The following H2BC18 variants were observed in gnomAD, a reference collection of about 807,000 sequenced individuals.
H2BC18 encodes the protein histone H2B type 2-F.
H2BC18 carries 8 observed loss-of-function variants against 6.3 expected under a neutral mutation model. That is an observed-to-expected ratio of 1.28 (90% CI 0.75 to 2.31). H2BC18 has a LOEUF of 2.31. H2BC18 is among the 30% of genes most tolerant of loss of function. The pLI, the probability that H2BC18 is intolerant of heterozygous loss-of-function variation, is 0.00. For missense variants in H2BC18, 106 were observed against 174.5 expected (o/e 0.61, Z 2.21); for synonymous variants, 104 against 78.1 (o/e 1.33, Z -1.75).
downstream of H2BC18, among the ~76,000 whole-genome samples, chr1:149,807,214 T>A (rs12240163): frequency 6.6e-6 from 1 of 152,102 alleles, no homozygotes; most frequent in Non-Finnish European, 1.5e-5. Flanking sequence ...ACCAGCCTAA[T>A]AGTCACACCA....
chr1:149,785,261 A>T (rs1553750680), intron 1 of H2BC18, among the ~76,000 whole-genome samples: 3 of 152,164 alleles, frequency 2.0e-5, no homozygotes. Context: ...CTTTATGCAG[A>T]CATGGTTGCT....
chr1:149,784,471 T>G (rs1199507353), intron 1 of H2BC18, among the ~76,000 whole-genome samples: 1 of 152,084 alleles, frequency 6.6e-6, no homozygotes, highest in Non-Finnish European at 1.5e-5. Context: ...CAGCTCTAAG[T>G]AGGATGTCTA....
At chr1:149,800,369 G>A (rs1181353248) in intron 1 of H2BC18, among the ~76,000 whole-genome samples, 2 of 151,430 alleles carry the variant, frequency 1.3e-5, no homozygotes, top group Non-Finnish European at 2.9e-5. Flanking sequence ...ATTGGTGATC[G>A]GCTTAACCTT....
In H2BC18 at chr1:149,812,223, C is replaced by T; in HGVS notation, c.101G>A (p.Arg34His). 1 of 1,614,258 alleles carries T rather than the reference C, an allele frequency of 6.2e-7. No individual in the cohort carries two copies. The highest frequency in any genetic ancestry group is 8.5e-7 in the Non-Finnish European group (1 of 1,180,046). The change falls in exon 1 of 1, where the codon CGC becomes CAC. Residue 34 changes from arginine to histidine, a missense_variant. Arg to His is a conservative substitution (Grantham distance 29). Transcript: ENST00000369167. ...CACGTAAACGGAGTAGCTCTCCTTG[C>T]GGCTGCGCTTGCGCTTCTTGCCGTC... is the stretch of plus-strand genomic sequence containing the variant. ...KKDGKKRKRS[R>H]KESYSVYVYK...
chr1:149,789,337 G>A (rs587722767), intron 1 of H2BC18, among the ~76,000 whole-genome samples: 1 of 152,214 alleles, frequency 6.6e-6, no homozygotes, highest in East Asian at 1.9e-4. Flanking sequence ...AGCTTGCAGT[G>A]AGCTGAGATA....
At chr1:149,809,724 A>C (rs1300871841), downstream of H2BC18, among the ~76,000 whole-genome samples, 1 of 147,566 alleles carries the variant, frequency 6.8e-6, no homozygotes, top group East Asian at 1.9e-4. Flanking sequence ...TTCGTTATGC[A>C]AGGAATGAGG....
At position 149,790,210 on chromosome 1, in the gene H2BC18, G is replaced by A. The variant is rs782427636; in HGVS notation, c.378-6950C>T. ...ATGGGCAGCAAGACCCTGCGAGGCA[G>A]GAACACATCCTCTGAATACCAAATA... On this transcript the variant is annotated intron_variant, in intron 1 of 1. Coordinates refer to the H2BC18 transcript ENST00000545683. The A allele has an allele frequency of 8.1e-6, 13 of 1,613,484 alleles. No individual in the cohort carries two copies. In the Admixed American group the frequency reaches 2.2e-4, roughly 27 times the overall value.
intron 1 of H2BC18, among the ~76,000 whole-genome samples, chr1:149,800,315 A>G (rs1331204147): frequency 1.3e-5 from 2 of 152,122 alleles, no homozygotes; most frequent in Non-Finnish European, 1.5e-5. Flanking sequence ...GGGTCTTTGT[A>G]TGGAGGCTCC....
chr1:149,806,958 AATG>A (rs2091923074), downstream of H2BC18, among the ~76,000 whole-genome samples: 1 of 152,154 alleles, frequency 6.6e-6, no homozygotes, highest in Admixed American at 6.5e-5. Flanking sequence ...GGAGTATGGG[AATG>A]ATATGATCTG....
chr1:149,789,517 G>A lies in H2BC18; in HGVS notation c.378-6257C>T, dbSNP rs4058439. Among the ~76,000 whole-genome samples the A allele has an allele frequency of 7.0e-3, 1,066 of 152,294 alleles. 45 individuals carry two copies. The East Asian group carries it at 0.091, about 13-fold the overall frequency. On this transcript the variant is annotated intron_variant, in intron 1 of 1. Transcript: ENST00000545683. ...GGCATGGTTACTGACCAGATGACAC[G>A]GTCATTCAGGGAAGGATGGACCTTG...
In H2BC18 at chr1:149,792,667, G is replaced by C. The variant is rs782076336; in HGVS notation, c.378-9407C>G. 2.3e-6 allele frequency: 3 copies of C among 1,278,118 alleles called. 1 individual carries two copies. In the African/African-American group the frequency reaches 4.7e-5, roughly 20 times the overall value. 79.2% of individuals were successfully genotyped at this position (1,278,118 alleles called of 1,614,324 possible). ...CCTCCGCCTGTATCTGGGGGCCGCA[G>C]CCGCCAGCGCCCGGGGACCCAGCTG... On this transcript the variant is annotated intron_variant, in intron 1 of 1. Coordinates refer to the H2BC18 transcript ENST00000545683.
At chr1:149,803,781 G>A (rs868931076) in intron 1 of H2BC18, 3 of 152,212 alleles carry the variant, frequency 2.0e-5, no homozygotes, top group Non-Finnish European at 4.4e-5. Context: ...CACCTAAGAT[G>A]TATCATCCAT....
chr1:149,799,357 T>C (rs2091835872), intron 1 of H2BC18, among the ~76,000 whole-genome samples: 1 of 152,264 alleles, frequency 6.6e-6, no homozygotes, highest in Non-Finnish European at 1.5e-5. Flanking sequence ...TTTAGAAATT[T>C]CTCTTTGTTC....
intron 1 of H2BC18, chr1:149,788,221 G>C: frequency 6.4e-7 from 1 of 1,560,140 alleles, no homozygotes; most frequent in South Asian, 1.2e-5. Flanking sequence ...AAAGATATTT[G>C]AGGAACTGGA....
At chr1:149,795,296 AAAT>A (rs2091788175) in intron 1 of H2BC18, among the ~76,000 whole-genome samples, 2 of 146,588 alleles carry the variant, frequency 1.4e-5, no homozygotes, top group Admixed American at 6.8e-5. Context: ...ATAAATAAAT[AAAT>A]GATTATTACC....
At chr1:149,789,935 A>T (rs1472934374) in intron 1 of H2BC18, 37 of 1,594,580 alleles carry the variant, frequency 2.3e-5, no homozygotes, top group Non-Finnish European at 3.0e-5. Context: ...AAAAGGGTTA[A>T]TGCCTTATGG....
intron 1 of H2BC18, among the ~76,000 whole-genome samples, chr1:149,784,554 C>G (rs1407038287): frequency 2.0e-5 from 3 of 151,776 alleles, no homozygotes; most frequent in Non-Finnish European, 4.4e-5. Flanking sequence ...AATAATAATT[C>G]AAACAAATGA....
chr1:149,800,145 G>A (rs2091850580), intron 1 of H2BC18, among the ~76,000 whole-genome samples: 3 of 152,016 alleles, frequency 2.0e-5, no homozygotes, highest in Admixed American at 2.0e-4. Context: ...AGAAACACTT[G>A]GGTTTACTGG....
chr1:149,793,042 G>GC, intron 1 of H2BC18: 1 of 1,261,884 alleles, frequency 7.9e-7, no homozygotes, highest in African/African-American at 1.6e-5. Context: ...CAGCTCCCGG[G>GC]CCCCGGCGCG....
Sources: gnomAD v4.1 joint callset for allele counts (sites outside exome capture counted in the v4.1 genomes callset) on GRCh38, gnomAD v4.1.1 for gene constraint, MANE v1.5 for transcripts, NCBI Gene and HGNC (gene_info 2026-07-23, HGNC 2026-07-21) for gene names.